The following NDUFA5 variants were observed in gnomAD, a reference collection of about 807,000 sequenced individuals.
NDUFA5 encodes NADH dehydrogenase [ubiquinone] 1 alpha subcomplex subunit 5.
In NDUFA5, 11 loss-of-function variants were observed where a neutral mutation model predicts 19.8. That is an observed-to-expected ratio of 0.56 (90% CI 0.35 to 0.92). NDUFA5 has a LOEUF of 0.92. Ranked by LOEUF, NDUFA5 falls within the 40% of genes least tolerant of loss-of-function variation. The probability of loss-of-function intolerance (pLI) is 0.01; values close to 1 mark genes in which losing one functional copy is unlikely to be tolerated. For synonymous variants in NDUFA5, 47 were observed against 46.8 expected (o/e 1.00, Z -0.01); for missense variants, 109 against 134.2 (o/e 0.81, Z 0.93).
chr7:123,548,315 C>G (rs4147631), intron 3 of NDUFA5, among the ~76,000 whole-genome samples: 42,834 of 151,836 alleles, frequency 0.28, 6,171 homozygotes, highest in East Asian at 0.32. Context: ...ACCTTATGTT[C>G]CAGGTACCAT....
At position 123,542,196 on chromosome 7, in the gene NDUFA5, T is replaced by C. The variant is rs1402137230; in HGVS notation, c.274A>G (p.Arg92Gly). 6.2e-7 allele frequency: 1 copy of C among 1,612,218 alleles called. No homozygotes were observed. The highest frequency in any genetic ancestry group is 1.3e-5 in the African/African-American group (1 of 74,828). The change falls in exon 5 of 5, where the codon AGA becomes GGA. Residue 92 changes from arginine to glycine, a missense_variant. Arg to Gly is a moderately radical substitution (Grantham distance 125). Coordinates refer to ENST00000355749, the MANE Select transcript of NDUFA5 (RefSeq NM_005000.5). ...LQAEHELNLA[R>G]KMREWKLWEP... The stretch of plus-strand genomic sequence containing the variant: ...CATAGTTTCCATTCCCTCATTTTTC[T>C]TGCCAGATTTAGTTCATGTTCAGCC...
chr7:123,548,485 A>T (rs961107851), intron 3 of NDUFA5, among the ~76,000 whole-genome samples: 2 of 152,204 alleles, frequency 1.3e-5, no homozygotes, highest in African/African-American at 4.8e-5. Flanking sequence ...AGAAGTGATG[A>T]TTTATGAAGA....
At chr7:123,547,640 C>G (rs555777009) in intron 3 of NDUFA5, among the ~76,000 whole-genome samples, 1 of 151,828 alleles carries the variant, frequency 6.6e-6, no homozygotes, top group Non-Finnish European at 1.5e-5. Context: ...ATATGAGAGA[C>G]CAAAAATCAA....
chr7:123,578,254 A>G, the NDUFA5 span, among the ~76,000 whole-genome samples: 1 of 149,166 alleles, frequency 6.7e-6, no homozygotes, highest in East Asian at 1.9e-4. Context: ...TATCAGTTGG[A>G]AAAAAAATGA....
intron 3 of NDUFA5, among the ~76,000 whole-genome samples, chr7:123,548,702 C>T (rs764049486): frequency 2.0e-5 from 3 of 152,154 alleles, no homozygotes; most frequent in Non-Finnish European, 4.4e-5. Context: ...CATGTTTTTA[C>T]CCTGTTAGGC....
the NDUFA5 span, among the ~76,000 whole-genome samples, chr7:123,594,526 A>T: frequency 6.6e-6 from 1 of 152,056 alleles, no homozygotes; most frequent in Admixed American, 6.5e-5. Context: ...TTTTCCTTCT[A>T]ACAGACAGGC....
chr7:123,545,620 C>T lies in NDUFA5; in HGVS notation c.240G>A (p.Val80=). 6.2e-7 allele frequency: 1 copy of T among 1,610,994 alleles called. No homozygotes were observed. Among genetic ancestry groups the T allele is most frequent in the Non-Finnish European group, 8.5e-7 (1 of 1,178,476 alleles). ...TCAACTTTTTCTTTACCTGAAGAAT[C>T]ACCTCTTCTAATTGACCGCCTTGAA... ...DQLQGGQLEE[V]ILQAEHELNL... The change falls in exon 4 of 5, where the codon GTG becomes GTA. Residue 80 remains valine (V), a synonymous_variant. Transcript: ENST00000355749.
chr7:123,594,960 C>A, the NDUFA5 span, among the ~76,000 whole-genome samples: 1 of 152,180 alleles, frequency 6.6e-6, no homozygotes, highest in African/African-American at 2.4e-5. Context: ...AGCTTCCCTG[C>A]CGCTTTGTTT....
At chr7:123,546,583 A>G (rs1437508573) in intron 3 of NDUFA5, 2 of 977,976 alleles carry the variant, frequency 2.0e-6, no homozygotes, top group African/African-American at 3.4e-5. Context: ...ATATACCCAC[A>G]TATGTAAATA....
Position 123,540,015 on chromosome 7 carries a change from AC to A in NDUFA5, c.*2103del, listed in dbSNP as rs1373736585. ...GGTTCAAACTTCAGCTTCACATCTT[AC>A]TAGCTATGTGACCTTGGATTTGTTA... is the stretch of plus-strand genomic sequence containing the variant. On this transcript the variant is annotated 3_prime_UTR_variant, in exon 5 of 5. Coordinates refer to ENST00000355749, the MANE Select transcript of NDUFA5 (RefSeq NM_005000.5). 3.3e-5 allele frequency: 5 copies of A among 152,136 alleles called. No homozygotes were observed. The highest frequency in any genetic ancestry group is 1.2e-4 in the African/African-American group (5 of 41,432). 9.4% of individuals were successfully genotyped at this position (152,136 alleles called of 1,614,324 possible).
At chr7:123,570,031 T>A in the NDUFA5 span, among the ~76,000 whole-genome samples, 1 of 14,988 alleles carries the variant, frequency 6.7e-5, no homozygotes, top group Non-Finnish European at 1.3e-4. Context: ...TGCCATAGCT[T>A]TTTTTTTTTT....
chr7:123,575,363 T>A, the NDUFA5 span, among the ~76,000 whole-genome samples: 2 of 152,090 alleles, frequency 1.3e-5, no homozygotes, highest in African/African-American at 4.8e-5. Flanking sequence ...GTTAAATATG[T>A]TCATACCTCT....
chr7:123,585,306 C>A, the NDUFA5 span, among the ~76,000 whole-genome samples: 5 of 151,288 alleles, frequency 3.3e-5, no homozygotes, highest in Non-Finnish European at 7.4e-5. Context: ...GTTAAAGAAA[C>A]AAGCAAATTT....
chr7:123,573,866 A>T, the NDUFA5 span, among the ~76,000 whole-genome samples: 259 of 152,154 alleles, frequency 1.7e-3, no homozygotes, highest in South Asian at 2.5e-3. Flanking sequence ...TATTTTTAGC[A>T]TGATTGGGTC....
chr7:123,580,986 C>A, the NDUFA5 span, among the ~76,000 whole-genome samples: 1 of 151,522 alleles, frequency 6.6e-6, no homozygotes, highest in East Asian at 1.9e-4. Context: ...GGAAACCAAA[C>A]CAACAGGCGT....
At chr7:123,585,274 T>C in the NDUFA5 span, among the ~76,000 whole-genome samples, 30 of 151,800 alleles carry the variant, frequency 2.0e-4, no homozygotes, top group African/African-American at 7.2e-4. Flanking sequence ...TTCTTAAAAA[T>C]AAACTGTTTA....
chr7:123,582,365 A>T, the NDUFA5 span, among the ~76,000 whole-genome samples: 1 of 151,896 alleles, frequency 6.6e-6, no homozygotes, highest in East Asian at 1.9e-4. Context: ...CTGACAAATA[A>T]CACCACTACC....
the NDUFA5 span, among the ~76,000 whole-genome samples, chr7:123,590,701 G>A: frequency 6.6e-6 from 1 of 151,552 alleles, no homozygotes; most frequent in Non-Finnish European, 1.5e-5. Flanking sequence ...GGTTACTGTA[G>A]CCTCATAGTA....
Position 123,537,246 on chromosome 7 carries a change from A to C in NDUFA5, c.*4873T>G, listed in dbSNP as rs1011047119. The C allele has an allele frequency of 6.6e-6, 1 of 152,190 alleles. No homozygotes were observed. 9.4% of individuals were successfully genotyped at this position (152,190 alleles called of 1,614,324 possible). A position where few individuals can be genotyped will look rare whatever the true frequency, so the allele number is the denominator to read the frequency against. ...TCTTTTGATGTGCTTTTATTTTTACAAAGATGCCACCTAGTGGCTTGATAA... is the reference window on the plus strand; with the variant it reads ...TCTTTTGATGTGCTTTTATTTTTACCAAGATGCCACCTAGTGGCTTGATAA... On this transcript the variant is annotated 3_prime_UTR_variant, in exon 5 of 5. Coordinates refer to ENST00000355749, the MANE Select transcript of NDUFA5 (RefSeq NM_005000.5).
Sources: gnomAD v4.1 joint callset for allele counts (sites outside exome capture counted in the v4.1 genomes callset) on GRCh38, gnomAD v4.1.1 for gene constraint, MANE v1.5 for transcripts, NCBI Gene and HGNC (gene_info 2026-07-23, HGNC 2026-07-21) for gene names.